CPQ: variants seen among roughly 807,000 people sequenced by gnomAD.
CPQ encodes carboxypeptidase Q, also known as Ser-Met dipeptidase.
CPQ carries 37 observed loss-of-function variants against 45.7 expected under a neutral mutation model. The observed-to-expected ratio is 0.81, with a 90% CI of 0.62 to 1.07. CPQ has a LOEUF of 1.07. Among genes scored for constraint, CPQ ranks in the 50% least tolerant of loss-of-function variants. The pLI is 0.00. For missense variants in CPQ, 537 were observed against 572.9 expected (o/e 0.94, Z 0.64); for synonymous variants, 186 against 205.8 (o/e 0.90, Z 0.82).
chr8:96,803,833 G>T (rs556240740), intron 2 of CPQ, among the ~76,000 whole-genome samples: 15 of 152,252 alleles, frequency 9.9e-5, no homozygotes, highest in African/African-American at 3.6e-4. Flanking sequence ...CCTGATTATG[G>T]CAAGGGCTGC....
At chr8:97,021,809 T>G (rs1158597416) in intron 5 of CPQ, among the ~76,000 whole-genome samples, 1 of 152,136 alleles carries the variant, frequency 6.6e-6, no homozygotes, top group Admixed American at 6.6e-5. Context: ...ATAAATTCAG[T>G]GCAATTCCTA....
chr8:97,114,656 A>G (rs535919484), intron 7 of CPQ, among the ~76,000 whole-genome samples: 1 of 152,310 alleles, frequency 6.6e-6, no homozygotes, highest in South Asian at 2.1e-4. Flanking sequence ...TTATACCATT[A>G]CCTAGACTCA....
At chr8:96,993,146 C>T (rs1048737201) in intron 5 of CPQ, among the ~76,000 whole-genome samples, 1 of 152,318 alleles carries the variant, frequency 6.6e-6, no homozygotes, top group Non-Finnish European at 1.5e-5. Flanking sequence ...ATATATGGTG[C>T]ATTAATATCT....
intron 7 of CPQ, among the ~76,000 whole-genome samples, chr8:97,134,677 T>C (rs1812018586): frequency 6.6e-6 from 1 of 152,230 alleles, no homozygotes; most frequent in African/African-American, 2.4e-5. Context: ...AGGCACATTT[T>C]TTCCCGAGAT....
chr8:96,881,268 C>T (rs569913348), intron 4 of CPQ, among the ~76,000 whole-genome samples: 14 of 152,152 alleles, frequency 9.2e-5, no homozygotes, highest in East Asian at 5.8e-4. Flanking sequence ...GGAAGCATGG[C>T]GGCATCTGCT....
chr8:96,670,028 GC>G (rs1473098133), intron 1 of CPQ, among the ~76,000 whole-genome samples: 1 of 152,132 alleles, frequency 6.6e-6, no homozygotes. Context: ...TGAACTCATT[GC>G]CAAGAGCTCT....
At chr8:97,011,740 G>C (rs1586493334) in intron 5 of CPQ, among the ~76,000 whole-genome samples, 1 of 152,138 alleles carries the variant, frequency 6.6e-6, no homozygotes, top group African/African-American at 2.4e-5. Context: ...AATTATATGA[G>C]CTATTATCTA....
intron 1 of CPQ, among the ~76,000 whole-genome samples, chr8:96,760,440 C>T (rs943253032): frequency 1.3e-5 from 2 of 152,092 alleles, no homozygotes; most frequent in Non-Finnish European, 2.9e-5. Context: ...GTCTGTCAGA[C>T]CTTATAGCCC....
At chr8:96,780,944 A>G (rs1056987928) in intron 1 of CPQ, among the ~76,000 whole-genome samples, 1 of 152,078 alleles carries the variant, frequency 6.6e-6, no homozygotes, top group African/African-American at 2.4e-5. Flanking sequence ...TGTGTGCTCT[A>G]GAGGGGGAGG....
intron 5 of CPQ, among the ~76,000 whole-genome samples, chr8:96,990,497 G>A (rs1317018323): frequency 1.3e-5 from 2 of 152,204 alleles, no homozygotes; most frequent in African/African-American, 2.4e-5. Flanking sequence ...TTTTGGGAGG[G>A]TAAAAGAAGG....
intron 5 of CPQ, among the ~76,000 whole-genome samples, chr8:96,966,673 G>A (rs1813570478): frequency 6.6e-6 from 1 of 152,212 alleles, no homozygotes; most frequent in African/African-American, 2.4e-5. Context: ...GGCCAGGGAA[G>A]CAGTTGCCCC....
At chr8:96,805,599 AT>A (rs1234223136) in intron 2 of CPQ, among the ~76,000 whole-genome samples, 3 of 152,002 alleles carry the variant, frequency 2.0e-5, no homozygotes, top group African/African-American at 7.2e-5. Context: ...TTTTTCATGT[AT>A]GTAATGTTTG....
intron 1 of CPQ, among the ~76,000 whole-genome samples, chr8:96,733,590 T>C (rs760216680): frequency 2.6e-5 from 4 of 152,186 alleles, no homozygotes; most frequent in Non-Finnish European, 5.9e-5. Flanking sequence ...GTCCCATATA[T>C]GATTATATAT....
intron 3 of CPQ, among the ~76,000 whole-genome samples, chr8:96,838,932 A>AT (rs551814951): frequency 2.1e-3 from 325 of 152,134 alleles, no homozygotes; most frequent in Middle Eastern, 6.8e-3. Context: ...CAGATTATAC[A>AT]TTTTTTCTGC....
chr8:96,818,721 TAA>T (rs1440351894), intron 2 of CPQ, among the ~76,000 whole-genome samples: 2 of 152,100 alleles, frequency 1.3e-5, no homozygotes, highest in Non-Finnish European at 2.9e-5. Context: ...TATTATTTTG[TAA>T]GAGAGTATCA....
At chr8:97,039,626 C>A (rs931961487) in intron 6 of CPQ, among the ~76,000 whole-genome samples, 5 of 151,774 alleles carry the variant, frequency 3.3e-5, no homozygotes, top group Admixed American at 2.0e-4. Flanking sequence ...AATGCTATCC[C>A]TCCCCACTCC....
At chr8:96,731,675 GA>G (rs983793799) in intron 1 of CPQ, among the ~76,000 whole-genome samples, 1 of 152,062 alleles carries the variant, frequency 6.6e-6, no homozygotes, top group Non-Finnish European at 1.5e-5. Context: ...ATTTTAAAAT[GA>G]AAAAGGTATT....
At chr8:97,017,503 AG>A (rs1809601535) in intron 5 of CPQ, among the ~76,000 whole-genome samples, 1 of 152,184 alleles carries the variant, frequency 6.6e-6, no homozygotes, top group South Asian at 2.1e-4. Context: ...GGAGGCAAGT[AG>A]CCTGGGGCAA....
chr8:97,076,795 T>C (rs1290592660), intron 7 of CPQ, among the ~76,000 whole-genome samples: 1 of 152,138 alleles, frequency 6.6e-6, no homozygotes, highest in Non-Finnish European at 1.5e-5. Context: ...TTTTATGACA[T>C]TAGCAGCCTA....
Sources: allele counts gnomAD v4.1 joint callset (sites outside exome capture counted in the v4.1 genomes callset), GRCh38; gene constraint gnomAD v4.1.1; transcripts MANE v1.5; gene names NCBI Gene and HGNC (gene_info 2026-07-23, HGNC 2026-07-21).